AGMO: variants seen among roughly 807,000 people sequenced by gnomAD.
AGMO encodes the protein alkylglycerol monooxygenase, also known as glyceryl-ether monooxygenase.
Under a neutral mutation model 60.2 loss-of-function variants are expected in AGMO, and 75 were observed. That is an observed-to-expected ratio of 1.25 (90% CI 1.03 to 1.51). The LOEUF is 1.51. AGMO is among the 40% of genes most tolerant of loss of function. The probability of loss-of-function intolerance (pLI) is 0.00; values close to 1 mark genes in which losing one functional copy is unlikely to be tolerated. For synonymous variants in AGMO, 261 were observed against 177.1 expected, an observed-to-expected ratio of 1.47 and a Z score of -3.76; for missense variants, 763 against 525.5, an observed-to-expected ratio of 1.45 and a Z score of -4.42.
chr7:15,374,697 T>C (rs1191805821), intron 10 of AGMO, among the ~76,000 whole-genome samples: 1 of 152,066 alleles, frequency 6.6e-6, no homozygotes, highest in Admixed American at 6.6e-5. Flanking sequence ...ACATGATCCA[T>C]ATTGCACCAG....
At chr7:15,357,190 CGTGT>C (rs36124819) in intron 12 of AGMO, among the ~76,000 whole-genome samples, 6,343 of 144,398 alleles carry the variant, frequency 0.044, 275 homozygotes, top group East Asian at 0.22. Context: ...TATGAATATT[CGTGT>C]GTGTGTGTGT....
chr7:15,455,057 G>A (rs1425595224), intron 3 of AGMO, among the ~76,000 whole-genome samples: 2 of 146,226 alleles, frequency 1.4e-5, no homozygotes, highest in East Asian at 2.0e-4. Flanking sequence ...TTTAATGCTT[G>A]CATTTTCTTT....
chr7:15,514,554 T>C (rs1223523927), intron 3 of AGMO, among the ~76,000 whole-genome samples: 1 of 152,164 alleles, frequency 6.6e-6, no homozygotes, highest in Non-Finnish European at 1.5e-5. Flanking sequence ...TCTAATCTTC[T>C]TTATAAAATC....
intron 6 of AGMO, 140 bp downstream of exon 6, chr7:15,393,969 GAAGA>G: frequency 3.6e-6 from 1 of 281,508 alleles, no homozygotes; most frequent in Non-Finnish European, 6.0e-6. Flanking sequence ...TTGTACCAAA[GAAGA>G]TAGAAAAGAA....
At chr7:15,224,865 A>T (rs6943248) in intron 12 of AGMO, among the ~76,000 whole-genome samples, 148,485 of 152,134 alleles carry the variant, frequency 0.98, 72,488 homozygotes, top group East Asian at 1. Flanking sequence ...TTTAAAAAAA[A>T]TGCTTCATAT....
intron 12 of AGMO, among the ~76,000 whole-genome samples, chr7:15,250,925 A>G (rs899899312): frequency 2.3e-4 from 35 of 151,786 alleles, no homozygotes; most frequent in African/African-American, 8.0e-4. Flanking sequence ...AGCCTAGGCA[A>G]TAAGAGCAAA....
At chr7:15,541,931 T>C (rs1784641208) in intron 3 of AGMO, among the ~76,000 whole-genome samples, 1 of 152,182 alleles carries the variant, frequency 6.6e-6, no homozygotes, top group Admixed American at 6.5e-5. Flanking sequence ...ATACATTGAA[T>C]AGAAAAAGTA....
chr7:15,446,559 C>T (rs1374940572), intron 3 of AGMO, among the ~76,000 whole-genome samples: 2 of 152,186 alleles, frequency 1.3e-5, no homozygotes, highest in Non-Finnish European at 2.9e-5. Flanking sequence ...ATGAAACACA[C>T]ACATACTTTG....
At chr7:15,275,501 G>GA (rs367745294) in intron 12 of AGMO, among the ~76,000 whole-genome samples, 9 of 151,530 alleles carry the variant, frequency 5.9e-5, no homozygotes, top group African/African-American at 1.9e-4. Context: ...ATGCACAGAT[G>GA]AAAAAAAATG....
At chr7:15,154,571 T>C in the AGMO span, among the ~76,000 whole-genome samples, 24 of 152,192 alleles carry the variant, frequency 1.6e-4, no homozygotes, top group Non-Finnish European at 2.4e-4. Flanking sequence ...CCACTCTGTG[T>C]CTTTTAAGTG....
chr7:15,392,864 T>C (rs1309648683), intron 6 of AGMO, among the ~76,000 whole-genome samples: 1 of 152,134 alleles, frequency 6.6e-6, no homozygotes, highest in Non-Finnish European at 1.5e-5. Flanking sequence ...CTGAACATCA[T>C]AGCTTCGCCT....
chr7:15,371,454 C>A (rs1241384081), intron 10 of AGMO, among the ~76,000 whole-genome samples: 1 of 151,870 alleles, frequency 6.6e-6, no homozygotes, highest in African/African-American at 2.4e-5. Context: ...GCAATGGCGC[C>A]ATCTCGGCTC....
intron 3 of AGMO, among the ~76,000 whole-genome samples, chr7:15,485,106 G>C (rs1447236326): frequency 1.4e-5 from 2 of 147,916 alleles, no homozygotes; most frequent in Non-Finnish European, 3.0e-5. Context: ...AGACCAGCCT[G>C]GCCAACATGG....
In AGMO at chr7:15,560,197, A is replaced by T. The variant is rs1243985238; in HGVS notation, c.201T>A (p.Gly67=). 6.2e-7 allele frequency: 1 copy of T among 1,613,286 alleles called. No individual in the cohort carries two copies. The highest frequency in any genetic ancestry group is 8.5e-7 in the Non-Finnish European group (1 of 1,179,404). Residue 67 remains glycine (G), a synonymous_variant, in exon 2 of 13, where the codon GGT becomes GGA. Coordinates refer to ENST00000342526, the MANE Select transcript of AGMO (RefSeq NM_001004320.2). ...VSWILKGKPP[G]RLDDALTSIS... The stretch of plus-strand genomic sequence containing the variant: ...TTGACGTTAAAGCATCATCCAGGCG[A>T]CCTGGTGGCTTTCCTTTGAGAATCC...
chr7:15,557,426 A>C (rs529363094), intron 2 of AGMO, among the ~76,000 whole-genome samples: 1 of 152,094 alleles, frequency 6.6e-6, no homozygotes, highest in South Asian at 2.1e-4. Context: ...TGTTAATCTA[A>C]CCCTCAGCTG....
the AGMO span, among the ~76,000 whole-genome samples, chr7:15,173,499 T>C: frequency 3.3e-5 from 5 of 152,106 alleles, no homozygotes; most frequent in African/African-American, 1.2e-4. Context: ...CAAAATTAAA[T>C]TGTCTGTCTG....
intron 3 of AGMO, among the ~76,000 whole-genome samples, chr7:15,455,710 A>G (rs1377970528): frequency 6.6e-6 from 1 of 152,104 alleles, no homozygotes; most frequent in Non-Finnish European, 1.5e-5. Context: ...TTCCTTCAGA[A>G]TTTTGAAGGC....
chr7:15,167,353 T>C, the AGMO span, among the ~76,000 whole-genome samples: 1 of 152,146 alleles, frequency 6.6e-6, no homozygotes, highest in South Asian at 2.1e-4. Context: ...AATTAAGAAA[T>C]AGCTTCTTTC....
chr7:15,129,644 C>G, the AGMO span, among the ~76,000 whole-genome samples: 3 of 151,976 alleles, frequency 2.0e-5, no homozygotes, highest in South Asian at 4.1e-4. Context: ...AGTGGCCCAC[C>G]ACCTGGGGCC....
Sources: allele counts gnomAD v4.1 joint callset (sites outside exome capture counted in the v4.1 genomes callset), GRCh38; gene constraint gnomAD v4.1.1; transcripts MANE v1.5; gene names NCBI Gene and HGNC (gene_info 2026-07-23, HGNC 2026-07-21).